ADGRL3: variants seen among roughly 807,000 people sequenced by gnomAD.
ADGRL3 encodes adhesion G protein-coupled receptor L3.
In ADGRL3, 62 loss-of-function variants were observed where a neutral mutation model predicts 153.5. The ratio of observed to expected loss-of-function variants is 0.40; its 90% CI spans 0.33 to 0.50. ADGRL3 has a LOEUF of 0.50. Ranked by LOEUF, ADGRL3 falls within the 20% of genes least tolerant of loss-of-function variation. ADGRL3 has a pLI of 0.47. For missense variants in ADGRL3, 1,641 were observed against 1,859.4 expected (o/e 0.88, Z 2.16); for synonymous variants, 710 against 672.5 (o/e 1.06, Z -0.86).
intron 21 of ADGRL3, among the ~76,000 whole-genome samples, chr4:62,019,508 T>A (rs2099228162): frequency 6.6e-6 from 1 of 152,100 alleles, no homozygotes; most frequent in Admixed American, 6.6e-5. Context: ...TTTATAAAAT[T>A]TGAATTATTA....
intron 10 of ADGRL3, among the ~76,000 whole-genome samples, chr4:61,893,296 C>G (rs1380433788): frequency 1.3e-5 from 2 of 151,998 alleles, no homozygotes; most frequent in Non-Finnish European, 2.9e-5. Context: ...ACCTGTGAGA[C>G]CTGCACTTTG....
chr4:61,970,638 T>C (rs988973065), intron 17 of ADGRL3, among the ~76,000 whole-genome samples: 1 of 152,302 alleles, frequency 6.6e-6, no homozygotes, highest in South Asian at 2.1e-4. Flanking sequence ...CACTTGCTAG[T>C]GTTTCTCTTT....
chr4:61,529,664 G>A (rs904256267), intron 4 of ADGRL3, among the ~76,000 whole-genome samples: 1 of 151,870 alleles, frequency 6.6e-6, no homozygotes, highest in Admixed American at 6.6e-5. Context: ...GATATATAAA[G>A]CTTTTTACTT....
At chr4:61,774,877 CTTGGGACACA>C (rs2097129739) in intron 8 of ADGRL3, among the ~76,000 whole-genome samples, 3 of 152,088 alleles carry the variant, frequency 2.0e-5, no homozygotes, top group Admixed American at 2.0e-4. Context: ...ACTGGGGGGC[CTTGGGACACA>C]TTCTCCACGG....
At chr4:61,286,629 T>G (rs948065063) in intron 1 of ADGRL3, among the ~76,000 whole-genome samples, 2 of 151,668 alleles carry the variant, frequency 1.3e-5, no homozygotes, top group African/African-American at 4.8e-5. Flanking sequence ...TGCAAATAAT[T>G]AAATATAATA....
chr4:61,807,511 T>G (rs1197486952), intron 8 of ADGRL3, among the ~76,000 whole-genome samples: 1 of 152,140 alleles, frequency 6.6e-6, no homozygotes, highest in African/African-American at 2.4e-5. Flanking sequence ...CCCCTGTGTA[T>G]CTGTGAGTAC....
At chr4:61,708,503 A>T (rs1406056354) in intron 6 of ADGRL3, among the ~76,000 whole-genome samples, 1 of 151,642 alleles carries the variant, frequency 6.6e-6, no homozygotes, top group African/African-American at 2.4e-5. Flanking sequence ...TTATTATTTG[A>T]AATTTTCATA....
intron 8 of ADGRL3, among the ~76,000 whole-genome samples, chr4:61,744,686 A>G (rs1256444180): frequency 6.6e-6 from 1 of 152,244 alleles, no homozygotes; most frequent in Non-Finnish European, 1.5e-5. Flanking sequence ...AACAAACAGA[A>G]AGGACATCCA....
intron 1 of ADGRL3, among the ~76,000 whole-genome samples, chr4:61,351,310 A>C (rs980175808): frequency 1.3e-5 from 2 of 152,254 alleles, no homozygotes; most frequent in Admixed American, 1.3e-4. Flanking sequence ...ATGTGGTTTA[A>C]GGAAAGAAGC....
At chr4:61,341,509 CAT>C (rs1006279349) in intron 1 of ADGRL3, among the ~76,000 whole-genome samples, 4 of 150,430 alleles carry the variant, frequency 2.7e-5, no homozygotes, top group African/African-American at 2.4e-5. Flanking sequence ...TATGGGGCAT[CAT>C]ATATATATAT....
At chr4:61,351,576 T>A (rs149725651) in intron 1 of ADGRL3, among the ~76,000 whole-genome samples, 2 of 152,280 alleles carry the variant, frequency 1.3e-5, no homozygotes, top group East Asian at 3.9e-4. Context: ...ATGCAGCTGA[T>A]GTCTTTAAGT....
intron 3 of ADGRL3, among the ~76,000 whole-genome samples, chr4:61,503,763 T>C (rs1245935782): frequency 6.6e-6 from 1 of 152,158 alleles, no homozygotes; most frequent in African/African-American, 2.4e-5. Context: ...ATACATAATA[T>C]TTGTACATGT....
intron 5 of ADGRL3, among the ~76,000 whole-genome samples, chr4:61,674,075 C>T (rs2095100217): frequency 6.6e-6 from 1 of 151,034 alleles, no homozygotes; most frequent in Admixed American, 6.6e-5. Context: ...TTATAATTTT[C>T]TTACATATAG....
At chr4:61,387,109 C>T (rs2096746134) in intron 2 of ADGRL3, among the ~76,000 whole-genome samples, 1 of 152,068 alleles carries the variant, frequency 6.6e-6, no homozygotes. Flanking sequence ...AGCTGGGCAT[C>T]TGGGGGAGAC....
At chr4:61,472,553 T>G (rs2097973782) in intron 2 of ADGRL3, among the ~76,000 whole-genome samples, 1 of 152,198 alleles carries the variant, frequency 6.6e-6, no homozygotes, top group Non-Finnish European at 1.5e-5. Context: ...GTATTTTTGT[T>G]ATCTAATCTT....
rs144311440 is a variant in ADGRL3, at chr4:61,636,657, A to T, written c.474-40169A>T. On this transcript the variant is annotated intron_variant, in intron 5 of 26. Coordinates refer to ENST00000683033, the MANE Select transcript of ADGRL3 (RefSeq NM_001387552.1). ...CCAGATACGTATGTAGTGATCTTTG[A>T]GTTGAAGAACATTTCAGAGAATCGT... is the stretch of plus-strand genomic sequence containing the variant. Among the ~76,000 whole-genome samples, 529 of 151,910 alleles carry T rather than the reference A, an allele frequency of 3.5e-3. 4 individuals carry two copies. The highest frequency in any genetic ancestry group is 0.012 in the African/African-American group (502 of 41,392).
chr4:61,921,463 G>A (rs2098768791), intron 13 of ADGRL3, among the ~76,000 whole-genome samples: 1 of 152,174 alleles, frequency 6.6e-6, no homozygotes, highest in Non-Finnish European at 1.5e-5. Flanking sequence ...GCTGCCAACA[G>A]GCTGGAGTAC....
rs569891711 is a variant in ADGRL3 at position 61,537,298 on chromosome 4, C to G, written c.259+19780C>G. Among the ~76,000 whole-genome samples the G allele has an allele frequency of 1.0e-3, 158 of 151,916 alleles. 1 individual carries two copies. The highest frequency in any genetic ancestry group is 3.1e-3 in the South Asian group (15 of 4,822). On this transcript the variant is annotated intron_variant, in intron 4 of 26. Coordinates refer to ENST00000683033, the MANE Select transcript of ADGRL3 (RefSeq NM_001387552.1). ...CTTAATAAGTGATTTACCCTTTTCT[C>G]TATCTGCCTTTAAGATTTTTTTCTT...
intron 5 of ADGRL3, among the ~76,000 whole-genome samples, chr4:61,675,997 C>A (rs1416218360): frequency 2.6e-5 from 4 of 151,774 alleles, no homozygotes; most frequent in Non-Finnish European, 5.9e-5. Context: ...TCTTTCTACC[C>A]TACAGCTCCA....
Sources: gnomAD v4.1 joint callset for allele counts (sites outside exome capture counted in the v4.1 genomes callset) on GRCh38, gnomAD v4.1.1 for gene constraint, MANE v1.5 for transcripts, NCBI Gene and HGNC (gene_info 2026-07-23, HGNC 2026-07-21) for gene names.